The following ASAP2 variants were observed in gnomAD, a reference collection of about 807,000 sequenced individuals.
ASAP2 encodes ArfGAP with SH3 domain, ankyrin repeat and PH domain 2, also known as arf-GAP with SH3 domain, ANK repeat and PH domain-containing protein 2.
Under a neutral mutation model 131.4 loss-of-function variants are expected in ASAP2, and 45 were observed. That is an observed-to-expected ratio of 0.34 (90% confidence interval 0.27 to 0.44). The LOEUF (loss-of-function observed/expected upper bound fraction) is 0.44, where lower values mean the gene tolerates loss of function less well. Ranked by LOEUF, ASAP2 falls within the 20% of genes least tolerant of loss-of-function variation. ASAP2 has a pLI of 1.00. For missense variants in ASAP2, 1,011 were observed against 1,297.0 expected, an observed-to-expected ratio of 0.78 and a Z score of 3.39; for synonymous variants, 510 against 503.0, an observed-to-expected ratio of 1.01 and a Z score of -0.19.
Position 9,374,826 on chromosome 2 carries a change from A to G in ASAP2, c.1628A>G (p.Asn543Ser). ...TACGCAAGGAAGAAGCACGCGGATA[A>G]CGCGGCGAAGCTTCACAGTCTTTGC... is the stretch of plus-strand genomic sequence containing the variant. ...RRYARKKHAD[N>S]AAKLHSLCEA... The change falls in exon 17 of 28, where the codon AAC becomes AGC. Residue 543 changes from asparagine to serine, a missense_variant. Asn to Ser is a conservative substitution (Grantham distance 46, BLOSUM62 1). Transcript: ENST00000281419. 1 of 1,614,156 alleles carries G rather than the reference A, an allele frequency of 6.2e-7. No individual in the cohort carries two copies. Among genetic ancestry groups the G allele is most frequent in the Non-Finnish European group, 8.5e-7 (1 of 1,180,024 alleles).
At chr2:9,279,467 C>T (rs886567536) in intron 2 of ASAP2, 78 bp downstream of exon 2, 13 of 1,370,218 alleles carry the variant, frequency 9.5e-6, no homozygotes, top group Non-Finnish European at 1.4e-5. Flanking sequence ...ATATTGATGA[C>T]CATTAACAAA....
intron 15 of ASAP2, among the ~76,000 whole-genome samples, chr2:9,364,746 A>C (rs562489457): frequency 3.5e-4 from 54 of 152,350 alleles, no homozygotes; most frequent in African/African-American, 1.3e-3. Context: ...CCTAGGACTG[A>C]AATGTGCCAC....
At chr2:9,330,775 G>A (rs12464209) in intron 7 of ASAP2, among the ~76,000 whole-genome samples, 2,801 of 152,014 alleles carry the variant, frequency 0.018, 27 homozygotes, top group Non-Finnish European at 0.028. Flanking sequence ...TCCTTCCCCC[G>A]CCCCTTTATT....
intron 1 of ASAP2, among the ~76,000 whole-genome samples, chr2:9,242,984 C>G (rs1664085411): frequency 6.6e-6 from 1 of 152,160 alleles, no homozygotes; most frequent in African/African-American, 2.4e-5. Context: ...TTTATTTTGG[C>G]CTACCCTGCA....
rs777824207 is a variant in ASAP2 at position 9,401,286 on chromosome 2, C to G, written c.2836C>G (p.Pro946Ala). The change falls in exon 27 of 28, where the codon CCT (proline) becomes GCT (alanine). Residue 946 changes from proline (P) to alanine (A), a missense_variant. Physicochemically the swap from Pro to Ala is conservative, Grantham distance 27. Transcript: ENST00000281419. ...TCTCCTGACCCAGACCAAGTTGAAG[C>G]CTAAGCGGGTGAAAGCGCTCTATAA... Reference protein sequence around the residue: ...PRKSQATKLKPKRVKALYNCV... With the variant: ...PRKSQATKLKAKRVKALYNCV... 1.2e-6 allele frequency: 2 copies of G among 1,613,504 alleles called. No individual in the cohort carries two copies. The highest frequency in any genetic ancestry group is 1.7e-6 in the Non-Finnish European group (2 of 1,179,910).
intron 3 of ASAP2, among the ~76,000 whole-genome samples, chr2:9,300,164 C>T (rs938428053): frequency 5.9e-5 from 9 of 152,208 alleles, no homozygotes; most frequent in Non-Finnish European, 1.2e-4. Context: ...GCCCAGGAAG[C>T]GGAGATTGCA....
chr2:9,210,848 G>A (rs1248120658), intron 1 of ASAP2, among the ~76,000 whole-genome samples: 1 of 150,956 alleles, frequency 6.6e-6, no homozygotes, highest in Non-Finnish European at 1.5e-5. Flanking sequence ...GGTGACCCAT[G>A]TGTATTTTTT....
intron 1 of ASAP2, among the ~76,000 whole-genome samples, chr2:9,214,027 G>A (rs953386080): frequency 6.6e-5 from 10 of 152,198 alleles, no homozygotes; most frequent in African/African-American, 2.4e-4. Flanking sequence ...CTGTTTCTAT[G>A]CAGACTACAG....
chr2:9,318,019 C>T (rs960513190), intron 3 of ASAP2, among the ~76,000 whole-genome samples: 11 of 152,154 alleles, frequency 7.2e-5, no homozygotes, highest in African/African-American at 1.7e-4. Context: ...TTTTCTCATT[C>T]GCACCCAGCA....
chr2:9,326,079 G>A (rs957868090), intron 6 of ASAP2, among the ~76,000 whole-genome samples: 6 of 152,144 alleles, frequency 3.9e-5, no homozygotes, highest in African/African-American at 1.4e-4. Context: ...TAGATTGCCT[G>A]CATTAAAATC....
intron 24 of ASAP2, among the ~76,000 whole-genome samples, chr2:9,395,586 T>TTTTTTTTG: frequency 7.7e-6 from 1 of 129,200 alleles, no homozygotes. Flanking sequence ...TTTTCTTGTG[T>TTTTTTTTG]TTTTTTTCTT....
At chr2:9,257,161 C>T (rs1665226067) in intron 1 of ASAP2, among the ~76,000 whole-genome samples, 1 of 152,212 alleles carries the variant, frequency 6.6e-6, no homozygotes, top group African/African-American at 2.4e-5. Flanking sequence ...GTCGGGCATT[C>T]CACTGGTGCT....
At chr2:9,320,919 G>A (rs561148808) in intron 5 of ASAP2, among the ~76,000 whole-genome samples, 1 of 152,306 alleles carries the variant, frequency 6.6e-6, no homozygotes, top group African/African-American at 2.4e-5. Flanking sequence ...CAATAGACAA[G>A]ACTCTGTTGG....
chr2:9,250,646 G>T (rs1272630236), intron 1 of ASAP2, among the ~76,000 whole-genome samples: 1 of 152,260 alleles, frequency 6.6e-6, no homozygotes, highest in Non-Finnish European at 1.5e-5. Context: ...AAGGTTGGAA[G>T]CAGAAAGCAG....
chr2:9,259,968 C>T (rs937521646), intron 1 of ASAP2, among the ~76,000 whole-genome samples: 2 of 152,162 alleles, frequency 1.3e-5, no homozygotes, highest in African/African-American at 4.8e-5. Flanking sequence ...GTCTGCGCAT[C>T]GCCCCCTCCC....
At chr2:9,265,536 A>G (rs746953062) in intron 1 of ASAP2, among the ~76,000 whole-genome samples, 1 of 152,258 alleles carries the variant, frequency 6.6e-6, no homozygotes, top group Non-Finnish European at 1.5e-5. Flanking sequence ...AAATTATCAA[A>G]TAATGTATTC....
chr2:9,313,399 T>C (rs1260502596), intron 3 of ASAP2, among the ~76,000 whole-genome samples: 1 of 152,162 alleles, frequency 6.6e-6, no homozygotes, highest in Non-Finnish European at 1.5e-5. Flanking sequence ...ATCTTGTTTT[T>C]CCCACTCACT....
Position 9,368,463 on chromosome 2 carries a change from C to T in ASAP2, c.1500C>T (p.Ile500=). ...KNIGNAGFNE[I]MECCLPAEDS... ...TTGGGAATGCAGGCTTTAATGAGAT[C>T]ATGGAATGTTGCCTACCAGCTGAGG... is the stretch of plus-strand genomic sequence containing the variant. Residue 500 remains isoleucine, a synonymous_variant, in exon 16 of 28, where the codon ATC becomes ATT. Coordinates refer to ENST00000281419, the MANE Select transcript of ASAP2 (RefSeq NM_003887.3). 2 of 1,614,138 alleles carry T rather than the reference C, an allele frequency of 1.2e-6. No homozygotes were observed. The highest frequency in any genetic ancestry group is 1.7e-6 in the Non-Finnish European group (2 of 1,180,034).
At chr2:9,321,713 C>T (rs1007835248) in intron 5 of ASAP2, among the ~76,000 whole-genome samples, 1 of 151,984 alleles carries the variant, frequency 6.6e-6, no homozygotes, top group Non-Finnish European at 1.5e-5. Flanking sequence ...AAGAAGAGTG[C>T]CTGAGAGAGT....
Sources: gnomAD v4.1 joint callset for allele counts (sites outside exome capture counted in the v4.1 genomes callset) on GRCh38, gnomAD v4.1.1 for gene constraint, MANE v1.5 for transcripts, NCBI Gene and HGNC (gene_info 2026-07-23, HGNC 2026-07-21) for gene names.